The following ATXN10 variants were observed in gnomAD, a reference collection of about 807,000 sequenced individuals.
ATXN10 encodes the protein ataxin 10.
Under a neutral mutation model 52.9 loss-of-function variants are expected in ATXN10, and 28 were observed. The ratio of observed to expected loss-of-function variants is 0.53; its 90% CI spans 0.39 to 0.73. The LOEUF (loss-of-function observed/expected upper bound fraction) is 0.73, where lower values mean the gene tolerates loss of function less well. ATXN10 is among the 30% of genes least tolerant of loss of function. The pLI, the probability that ATXN10 is intolerant of heterozygous loss-of-function variation, is 0.00. For synonymous variants in ATXN10, 226 were observed against 221.5 expected (o/e 1.02, Z -0.18); for missense variants, 565 against 577.0 (o/e 0.98, Z 0.21).
chr22:45,825,603 C>T lies in ATXN10; in HGVS notation c.1238-17388C>T, dbSNP rs142574413. Among the ~76,000 whole-genome samples, 1 of 152,076 alleles carries T rather than the reference C, an allele frequency of 6.6e-6. No individual in the cohort carries two copies. The highest frequency in any genetic ancestry group is 2.4e-5 in the African/African-American group (1 of 41,370). ...TCTAGAGTTACCACATTATTAGAGT[C>T]AGATGTCCCATTTAAAAAACAATCA... On this transcript the variant is annotated intron_variant, in intron 10 of 11. Coordinates refer to ENST00000252934, the MANE Select transcript of ATXN10 (RefSeq NM_013236.4). The surrounding 1 kb of genome is among the most constrained non-coding windows in gnomAD (Gnocchi z 4.5).
At chr22:45,758,102 G>GCTGCCTCCACACCCTGCCC (rs1926241704) in intron 9 of ATXN10, among the ~76,000 whole-genome samples, 1 of 152,226 alleles carries the variant, frequency 6.6e-6, no homozygotes, top group Admixed American at 6.5e-5. Context: ...GACACCTGGT[G>GCTGCCTCCACACCCTGCCC]CTGCCTCCAC....
rs545796095 is a variant in ATXN10, at chr22:45,701,756, C to T, written c.489-933C>T. Among the ~76,000 whole-genome samples the T allele has an allele frequency of 6.6e-6, 1 of 152,214 alleles. No individual in the cohort carries two copies. Among genetic ancestry groups the T allele is most frequent in the Admixed American group, 6.5e-5 (1 of 15,292 alleles). On this transcript the variant is annotated intron_variant, in intron 4 of 11. Transcript: ENST00000252934. This position sits in a 1 kb window ranked among gnomAD's most constrained non-coding sequence, Gnocchi z 4.2. ...GGTTGGGGAAGTAAAGGAACAGGCA[C>T]ATAGGTTGTGATGTAAGAACTAAGG...
intron 5 of ATXN10, among the ~76,000 whole-genome samples, chr22:45,704,355 T>G (rs1396017459): frequency 6.6e-6 from 1 of 151,986 alleles, no homozygotes; most frequent in East Asian, 1.9e-4. Flanking sequence ...TACATGAATC[T>G]GTAGACCACC....
Position 45,763,533 on chromosome 22 carries a change from T to G in ATXN10, c.1173+22995T>G, listed in dbSNP as rs1926473580. On this transcript the variant is annotated intron_variant, in intron 9 of 11. Coordinates refer to ENST00000252934, the MANE Select transcript of ATXN10 (RefSeq NM_013236.4). This position sits in a 1 kb window ranked among gnomAD's most constrained non-coding sequence, Gnocchi z 6.9. Reference sequence around the variant, plus strand: ...CTGCACCCTCAGGTGTTTGCTCATCTCCTCACAGGTCTTTCCTGCCCCCTA... The same window carrying G: ...CTGCACCCTCAGGTGTTTGCTCATCGCCTCACAGGTCTTTCCTGCCCCCTA... 6.6e-6 allele frequency among the ~76,000 whole-genome samples: 1 copy of G among 152,124 alleles called. No homozygotes were observed. The highest frequency in any genetic ancestry group is 6.5e-5 in the Admixed American group (1 of 15,278).
intron 10 of ATXN10, among the ~76,000 whole-genome samples, chr22:45,809,314 C>T (rs142919335): frequency 2.6e-4 from 39 of 152,186 alleles, no homozygotes; most frequent in African/African-American, 8.0e-4. Context: ...TCTTTCCCCC[C>T]CTTTCTTGTG....
intron 9 of ATXN10, among the ~76,000 whole-genome samples, chr22:45,758,007 A>C (rs1926236145): frequency 6.6e-6 from 1 of 152,264 alleles, no homozygotes; most frequent in Non-Finnish European, 1.5e-5. Flanking sequence ...ACTAAATTTG[A>C]TGCTTCCAAA....
At chr22:45,755,738 T>C (rs768150761) in intron 9 of ATXN10, among the ~76,000 whole-genome samples, 7 of 152,008 alleles carry the variant, frequency 4.6e-5, no homozygotes, top group Non-Finnish European at 1.0e-4. Context: ...ATGACCAGAG[T>C]CAACAGTAGT....
rs1323973894 is a variant in ATXN10 at position 45,766,356 on chromosome 22, T to C, written c.1173+25818T>C. Among the ~76,000 whole-genome samples, 1 of 152,160 alleles carries C rather than the reference T, an allele frequency of 6.6e-6. No homozygotes were observed. Among genetic ancestry groups the C allele is most frequent in the African/African-American group, 2.4e-5 (1 of 41,448 alleles). ...CGAGGGATCTAGGTTGCAAGCTGTC[T>C]ATGAGAATCTAATGCCTAATGATCT... On this transcript the variant is annotated intron_variant, in intron 9 of 11. Transcript: ENST00000252934. The surrounding 1 kb of genome is among the most constrained non-coding windows in gnomAD (Gnocchi z 4.6).
rs5765646 is a variant in ATXN10, at chr22:45,828,197, T to A, written c.1238-14794T>A. On this transcript the variant is annotated intron_variant, in intron 10 of 11. Coordinates refer to ENST00000252934, the MANE Select transcript of ATXN10 (RefSeq NM_013236.4). This position sits in a 1 kb window ranked among gnomAD's most constrained non-coding sequence, Gnocchi z 4.5. Reference sequence around the variant, plus strand: ...GAAGCCCCATCTCTATTAAAAACTTTAAAAAAGAAAAAAAAAAGAAGAAAA... The same window carrying A: ...GAAGCCCCATCTCTATTAAAAACTTAAAAAAAGAAAAAAAAAAGAAGAAAA... Among the ~76,000 whole-genome samples the A allele has an allele frequency of 0.87, 132,384 of 151,376 alleles. 58,107 individuals carry two copies. The highest frequency in any genetic ancestry group is 0.96 in the African/African-American group (39,894 of 41,368).
intron 5 of ATXN10, among the ~76,000 whole-genome samples, chr22:45,707,426 T>G (rs2146760690): frequency 6.6e-6 from 1 of 152,226 alleles, no homozygotes; most frequent in East Asian, 1.9e-4. Flanking sequence ...TAATATGATG[T>G]GTTTAACTTA....
intron 9 of ATXN10, among the ~76,000 whole-genome samples, chr22:45,746,874 C>T (rs565271984): frequency 4.0e-4 from 61 of 152,274 alleles, no homozygotes; most frequent in African/African-American, 1.1e-3. Context: ...TTTCAGTATA[C>T]GTGTGCTGTT....
chr22:45,761,623 T>G (rs1489113804), intron 9 of ATXN10, among the ~76,000 whole-genome samples: 1 of 152,228 alleles, frequency 6.6e-6, no homozygotes, highest in East Asian at 1.9e-4. Flanking sequence ...TATAATCCAG[T>G]GACTGGAACA....
intron 9 of ATXN10, among the ~76,000 whole-genome samples, chr22:45,806,311 T>C (rs1928097619): frequency 6.6e-6 from 1 of 152,258 alleles, no homozygotes; most frequent in Non-Finnish European, 1.5e-5. Flanking sequence ...CGTTTGAACA[T>C]ATTCTGATGT....
chr22:45,698,053 G>C (rs1845728651), intron 3 of ATXN10, among the ~76,000 whole-genome samples: 1 of 152,210 alleles, frequency 6.6e-6, no homozygotes, highest in Non-Finnish European at 1.5e-5. Context: ...TTCATTGTTT[G>C]TTGGACATTT....
At chr22:45,814,160 T>A (rs1569075630) in intron 10 of ATXN10, among the ~76,000 whole-genome samples, 1 of 152,218 alleles carries the variant, frequency 6.6e-6, no homozygotes, top group Non-Finnish European at 1.5e-5. Flanking sequence ...GGGCAAGCGT[T>A]TCTTAAGGCA....
At position 45,702,862 on chromosome 22, in the gene ATXN10, A is replaced by G. The variant is rs1923894962; in HGVS notation, c.647+15A>G. On this transcript the variant is annotated intron_variant, in intron 5 of 11. Transcript: ENST00000252934. ...TCAGAATGGCCGTAAGTATCTTGTT[A>G]GAAATTTGATTGCTTTGGGGCATCC... is the stretch of plus-strand genomic sequence containing the variant. 6.2e-7 allele frequency: 1 copy of G among 1,613,368 alleles called. No homozygotes were observed. Among genetic ancestry groups the G allele is most frequent in the Admixed American group, 1.7e-5 (1 of 60,014 alleles).
chr22:45,683,152 C>T lies in ATXN10; in HGVS notation c.117-6560C>T, dbSNP rs1258167520. Among the ~76,000 whole-genome samples the T allele has an allele frequency of 1.3e-5, 2 of 152,128 alleles. No homozygotes were observed. The highest frequency in any genetic ancestry group is 4.8e-5 in the African/African-American group (2 of 41,434). ...TGGCCAACATGGTGAAACCCCATCT[C>T]TACTAAAAATACAAAAATTTGTTGG... is the stretch of plus-strand genomic sequence containing the variant. On this transcript the variant is annotated intron_variant, in intron 1 of 11. Transcript: ENST00000252934. The surrounding 1 kb of genome is among the most constrained non-coding windows in gnomAD (Gnocchi z 4.8).
At chr22:45,720,216 G>A (rs567774200) in intron 6 of ATXN10, among the ~76,000 whole-genome samples, 29 of 151,962 alleles carry the variant, frequency 1.9e-4, no homozygotes, top group African/African-American at 7.0e-4. Flanking sequence ...TTTTGTCACA[G>A]CCCTAGTTTA....
rs1409241196 is a variant in ATXN10 at position 45,770,597 on chromosome 22, A to G, written c.1173+30059A>G. On this transcript the variant is annotated intron_variant, in intron 9 of 11. Coordinates refer to ENST00000252934, the MANE Select transcript of ATXN10 (RefSeq NM_013236.4). This position sits in a 1 kb window ranked among gnomAD's most constrained non-coding sequence, Gnocchi z 4.5. Reference sequence around the variant, plus strand: ...GGACTCTGGAGTCCTCCCAGAATGGACCAGACCTGAGGGCTTCACAGAGAG... The same window carrying G: ...GGACTCTGGAGTCCTCCCAGAATGGGCCAGACCTGAGGGCTTCACAGAGAG... Among the ~76,000 whole-genome samples the G allele has an allele frequency of 1.3e-5, 2 of 152,216 alleles. No individual in the cohort carries two copies. The highest frequency in any genetic ancestry group is 4.8e-5 in the African/African-American group (2 of 41,458).
Sources: gnomAD v4.1 joint callset for allele counts (sites outside exome capture counted in the v4.1 genomes callset) on GRCh38, gnomAD v4.1.1 for gene constraint, Gnocchi (gnomAD v3.1) non-coding constraint, MANE v1.5 for transcripts, NCBI Gene and HGNC (gene_info 2026-07-23, HGNC 2026-07-21) for gene names.